The following ARHGAP40 variants were observed in gnomAD, a reference collection of about 807,000 sequenced individuals.
ARHGAP40 encodes Rho GTPase activating protein 40, also known as rho GTPase-activating protein 40.
ARHGAP40 carries 43 observed loss-of-function variants against 73.5 expected under a neutral mutation model. The ratio of observed to expected loss-of-function variants is 0.58; its 90% CI spans 0.46 to 0.75. The LOEUF is 0.75. Among genes scored for constraint, ARHGAP40 ranks in the 30% least tolerant of loss-of-function variants. The probability of loss-of-function intolerance (pLI) is 0.00; values close to 1 mark genes in which losing one functional copy is unlikely to be tolerated. For missense variants in ARHGAP40, 734 were observed against 861.8 expected (o/e 0.85, Z 1.86); for synonymous variants, 300 against 352.8 (o/e 0.85, Z 1.68).
At chr20:38,619,355 G>A (rs2088861929) in intron 1 of ARHGAP40, among the ~76,000 whole-genome samples, 1 of 152,130 alleles carries the variant, frequency 6.6e-6, no homozygotes, top group Non-Finnish European at 1.5e-5. Flanking sequence ...AGACTGCGAT[G>A]AGGCTGTGGT....
intron 11 of ARHGAP40, among the ~76,000 whole-genome samples, chr20:38,645,472 C>G (rs1382848080): frequency 6.6e-6 from 1 of 152,204 alleles, no homozygotes; most frequent in Non-Finnish European, 1.5e-5. Context: ...CGCTCTTCCC[C>G]GTGTGTGTCA....
exon 2 of ARHGAP40, chr20:38,623,541 A>C: frequency 7.8e-7 from 1 of 1,289,866 alleles, no homozygotes; most frequent in South Asian, 1.2e-5. Flanking sequence ...GGCGGGAATG[A>C]AGGCCAGCTT....
intron 3 of ARHGAP40, among the ~76,000 whole-genome samples, chr20:38,627,568 TTGAG>T (rs2088908609): frequency 2.7e-5 from 4 of 145,794 alleles, no homozygotes; most frequent in African/African-American, 1.0e-4. Flanking sequence ...GGTATGTGTG[TTGAG>T]TGTGTGTGTT....
intron 11 of ARHGAP40, 120 bp downstream of exon 11, chr20:38,644,030 G>A: frequency 6.6e-6 from 6 of 915,656 alleles, no homozygotes; most frequent in Non-Finnish European, 8.7e-6. Context: ...GACCTTTGTT[G>A]GCCTCTGCAC....
chr20:38,628,356 G>C (rs1346745343), intron 3 of ARHGAP40, among the ~76,000 whole-genome samples: 1 of 151,456 alleles, frequency 6.6e-6, no homozygotes, highest in Non-Finnish European at 1.5e-5. Flanking sequence ...CCAGGCTAGA[G>C]TGCAGTGGCG....
chr20:38,649,920 C>A lies in ARHGAP40; in HGVS notation c.*72C>A, dbSNP rs368028095. The A allele has an allele frequency of 2.1e-5, 23 of 1,119,514 alleles. No individual in the cohort carries two copies. In the East Asian group the frequency reaches 8.8e-4, roughly 43 times the overall value. The allele number at this position is 1,119,514 out of a possible 1,614,324, so 69.3% of individuals were successfully genotyped here. ...GCTGGCTCTGTGTCCATGTACCCAG[C>A]ATGAGAACAAAGCTATTCCAGGGGA... On this transcript the variant is annotated 3_prime_UTR_variant, in exon 15 of 15. Transcript: ENST00000373345.
chr20:38,620,438 A>G (rs987850692), intron 1 of ARHGAP40, among the ~76,000 whole-genome samples: 2 of 152,204 alleles, frequency 1.3e-5, no homozygotes, highest in Non-Finnish European at 2.9e-5. Flanking sequence ...CAAAGAAATA[A>G]TTGCTGCCCC....
intron 6 of ARHGAP40, among the ~76,000 whole-genome samples, chr20:38,636,569 T>C (rs1448443212): frequency 6.6e-6 from 1 of 152,116 alleles, no homozygotes; most frequent in African/African-American, 2.4e-5. Context: ...GGTGAAAACA[T>C]GATTTTTAAT....
At chr20:38,605,315 G>A (rs1364233576) in intron 1 of ARHGAP40, among the ~76,000 whole-genome samples, 1 of 152,160 alleles carries the variant, frequency 6.6e-6, no homozygotes, top group Admixed American at 6.5e-5. Context: ...CCCTTAAGAT[G>A]TCCACAGGCT....
chr20:38,624,698 A>G (rs2088890215), intron 2 of ARHGAP40, among the ~76,000 whole-genome samples: 1 of 152,106 alleles, frequency 6.6e-6, no homozygotes, highest in Non-Finnish European at 1.5e-5. Flanking sequence ...AGGCATCTGC[A>G]TGGCTTGTTC....
exon 3 of ARHGAP40, chr20:38,627,202 T>C (rs1044644142): frequency 5.4e-6 from 7 of 1,305,114 alleles, no homozygotes; most frequent in African/African-American, 1.5e-5. Context: ...GTCTTTGGGG[T>C]CTTCAATTCA....
At chr20:38,626,408 G>A (rs1043804669) in intron 2 of ARHGAP40, among the ~76,000 whole-genome samples, 8 of 152,190 alleles carry the variant, frequency 5.3e-5, no homozygotes, top group East Asian at 1.9e-4. Flanking sequence ...TCTCAGGCCC[G>A]AGGCCTGAAC....
chr20:38,604,194 C>T (rs1188639681), intron 1 of ARHGAP40, among the ~76,000 whole-genome samples: 4 of 152,158 alleles, frequency 2.6e-5, no homozygotes, highest in African/African-American at 7.2e-5. Flanking sequence ...CACCACCCTC[C>T]CTTAATCTCC....
At position 38,647,134 on chromosome 20, in the gene ARHGAP40, G is replaced by T. The variant is rs2089059479; in HGVS notation, c.1880+8G>T. ...GGACAGCCTCCTTCTACAGTAAGAG[G>T]CACCTCCTGGAGGCAGGAGCCTCTT... On this transcript the variant is annotated splice_region_variant and intron_variant, in intron 13 of 14. Transcript: ENST00000373345. 1 of 1,302,526 alleles carries T rather than the reference G, an allele frequency of 7.7e-7. No homozygotes were observed. The highest frequency in any genetic ancestry group is 1.0e-6 in the Non-Finnish European group (1 of 987,790). 80.7% of individuals were successfully genotyped at this position (1,302,526 alleles called of 1,614,324 possible).
At chr20:38,633,750 C>T (rs2088956100) in intron 5 of ARHGAP40, among the ~76,000 whole-genome samples, 1 of 152,252 alleles carries the variant, frequency 6.6e-6, no homozygotes, top group African/African-American at 2.4e-5. Flanking sequence ...TCCCGCTTGC[C>T]TTCTCTGACC....
intron 3 of ARHGAP40, 129 bp downstream of exon 3, chr20:38,627,344 G>C (rs1475629821): frequency 4.9e-6 from 4 of 823,210 alleles, no homozygotes; most frequent in Non-Finnish European, 6.8e-6. Flanking sequence ...TGGTGTGTGG[G>C]TGTTGGTATG....
intron 1 of ARHGAP40, among the ~76,000 whole-genome samples, chr20:38,611,899 T>A (rs1188581133): frequency 6.7e-6 from 1 of 150,300 alleles, no homozygotes; most frequent in Non-Finnish European, 1.5e-5. Context: ...TTGTAATTTT[T>A]TTTTTGTAGG....
exon 11 of ARHGAP40, chr20:38,643,715 A>T: frequency 7.7e-7 from 1 of 1,305,778 alleles, no homozygotes. Context: ...CACTGCTGGA[A>T]TTCCTCAGGA....
intron 13 of ARHGAP40, 50 bp downstream of exon 13, chr20:38,647,176 C>G (rs1463235521): frequency 7.8e-7 from 1 of 1,274,230 alleles, no homozygotes; most frequent in Non-Finnish European, 1.0e-6. Flanking sequence ...AGGGAGGGCT[C>G]TGCACCCCAG....
Sources: allele counts gnomAD v4.1 joint callset (sites outside exome capture counted in the v4.1 genomes callset), GRCh38; gene constraint gnomAD v4.1.1; transcripts MANE v1.5; gene names NCBI Gene and HGNC (gene_info 2026-07-23, HGNC 2026-07-21).